Variants in MLKL observed in about 807,000 individuals in gnomAD.
The protein encoded by MLKL is mixed lineage kinase domain like pseudokinase, also known as mixed lineage kinase domain-like protein.
MLKL carries 55 observed loss-of-function variants against 56.5 expected under a neutral mutation model. That is an observed-to-expected ratio of 0.97 (90% CI 0.78 to 1.22). The LOEUF (loss-of-function observed/expected upper bound fraction) is 1.22. MLKL is among the 50% of genes most tolerant of loss of function. The pLI, the probability that MLKL is intolerant of heterozygous loss-of-function variation, is 0.00. For synonymous variants in MLKL, 251 were observed against 208.3 expected (o/e 1.20, Z -1.76); for missense variants, 694 against 573.9 (o/e 1.21, Z -2.14).
At chr16:74,680,742 T>C (rs1287823048) in intron 6 of MLKL, among the ~76,000 whole-genome samples, 1 of 152,164 alleles carries the variant, frequency 6.6e-6, no homozygotes, top group Non-Finnish European at 1.5e-5. Context: ...CTTTACCTTG[T>C]GATCTGTCCG....
chr16:74,675,809 T>G (rs771819692), intron 7 of MLKL, 45 bp from the exon 8 acceptor site: 3 of 1,602,334 alleles, frequency 1.9e-6, no homozygotes, highest in Non-Finnish European at 2.6e-6. Flanking sequence ...AGATCTTGGG[T>G]AGAGGAGTAA....
intron 5 of MLKL, among the ~76,000 whole-genome samples, chr16:74,684,133 A>C (rs1200661785): frequency 6.6e-6 from 1 of 151,762 alleles, no homozygotes; most frequent in African/African-American, 2.4e-5. Context: ...TTTTTAGTAG[A>C]GACAGGGTTT....
intron 1 of MLKL, among the ~76,000 whole-genome samples, chr16:74,700,149 T>C (rs1961300095): frequency 6.6e-6 from 1 of 152,186 alleles, no homozygotes; most frequent in African/African-American, 2.4e-5. Flanking sequence ...ACTCTGTCTC[T>C]CTCTCACGCC....
intron 2 of MLKL, among the ~76,000 whole-genome samples, chr16:74,694,850 TAGG>T (rs1173503837): frequency 6.6e-6 from 1 of 150,496 alleles, no homozygotes. Context: ...CAAAGGATGT[TAGG>T]AGTTTTGTTT....
intron 10 of MLKL, 98 bp from the exon 11 acceptor site, chr16:74,672,636 T>G: frequency 9.0e-7 from 1 of 1,116,486 alleles, no homozygotes; most frequent in South Asian, 1.3e-5. Context: ...ATTTAGAAAC[T>G]GCATTCCCCC....
At chr16:74,679,197 T>C (rs1341783153) in intron 6 of MLKL, among the ~76,000 whole-genome samples, 1 of 152,106 alleles carries the variant, frequency 6.6e-6, no homozygotes, top group African/African-American at 2.4e-5. Flanking sequence ...TGACAGCCCT[T>C]ATGAAGTGCA....
chr16:74,697,953 C>A (rs1361218082), intron 1 of MLKL, among the ~76,000 whole-genome samples: 1 of 152,140 alleles, frequency 6.6e-6, no homozygotes, highest in Non-Finnish European at 1.5e-5. Context: ...AACCTGTAAT[C>A]CCAGCACTTT....
chr16:74,682,761 G>A lies in MLKL; in HGVS notation c.846C>T (p.Val282=), dbSNP rs1960068572. 2 of 1,613,944 alleles carry A rather than the reference G, an allele frequency of 1.2e-6. No homozygotes were observed. Among genetic ancestry groups the A allele is most frequent in the Non-Finnish European group, 8.5e-7 (1 of 1,180,010 alleles). Reference sequence around the variant, plus strand: ...GGGTCCCGAGTTCACAGTACTCCATGACAATGGAGAATTGAGGCGGAGTCA... The same window carrying A: ...GGGTCCCGAGTTCACAGTACTCCATAACAATGGAGAATTGAGGCGGAGTCA... The part of the protein sequence containing the change: ...ETVTPPQFSI[V]MEYCELGTLR... The change falls in exon 6 of 11, where the codon GTC becomes GTT. Residue 282 remains valine (V), a synonymous_variant. Coordinates refer to ENST00000308807, the MANE Select transcript of MLKL (RefSeq NM_152649.4).
intron 6 of MLKL, among the ~76,000 whole-genome samples, chr16:74,681,459 C>T (rs1253064499): frequency 6.6e-6 from 1 of 152,016 alleles, no homozygotes; most frequent in Admixed American, 6.6e-5. Context: ...ACTAAGAATC[C>T]ATAGATTCTG....
rs760844660 is a variant in MLKL, at chr16:74,695,602, G to A, written c.156C>T (p.Ser52=). The A allele has an allele frequency of 1.9e-6, 3 of 1,614,168 alleles. No individual in the cohort carries two copies. The highest frequency in any genetic ancestry group is 1.1e-5 in the South Asian group (1 of 91,086). The change falls in exon 2 of 11, where the codon AGC becomes AGT. Residue 52 remains serine (S), a synonymous_variant. Transcript: ENST00000308807. ...CTGTGGTTAACTTCTCAGAGGGCACGCTCCTCTTTCCTTGGTCCTGGAGCA... is the reference window on the plus strand; with the variant it reads ...CTGTGGTTAACTTCTCAGAGGGCACACTCCTCTTTCCTTGGTCCTGGAGCA... The part of the protein sequence containing the change: ...LEMLQDQGKR[S]VPSEKLTTAM...
rs768838941 is a variant in MLKL, at chr16:74,691,483, G to A, written c.536-20C>T. ...GTAAATCTGACCTCACCCCCGAGAG[G>A]AAAGAAGACAAAAGAGTCAATGAGC... On this transcript the variant is annotated intron_variant, in intron 3 of 10. Transcript: ENST00000308807. 1.9e-6 allele frequency: 3 copies of A among 1,601,462 alleles called. No individual in the cohort carries two copies. Among genetic ancestry groups the A allele is most frequent in the Admixed American group, 1.8e-5 (1 of 55,678 alleles).
At chr16:74,698,390 C>G (rs1249365163) in intron 1 of MLKL, among the ~76,000 whole-genome samples, 2 of 151,958 alleles carry the variant, frequency 1.3e-5, no homozygotes, top group Admixed American at 6.6e-5. Context: ...GAGTAAGGCA[C>G]TGGCAGAAGT....
At chr16:74,676,337 A>C in intron 7 of MLKL, 1 of 985,868 alleles carries the variant, frequency 1.0e-6, no homozygotes, top group Non-Finnish European at 1.2e-6. Flanking sequence ...CAATCATGAC[A>C]GCATATGTTC....
chr16:74,686,767 G>C (rs1054312200), intron 4 of MLKL, among the ~76,000 whole-genome samples: 8 of 152,124 alleles, frequency 5.3e-5, no homozygotes, highest in African/African-American at 1.9e-4. Flanking sequence ...GCTTGTCCAA[G>C]GTCTGTCAGA....
In MLKL at chr16:74,682,740, C is replaced by T. The variant is rs138919339; in HGVS notation, c.867G>A (p.Gly289=). The change falls in exon 6 of 11, where the codon GGG becomes GGA. Residue 289 remains glycine (G), a synonymous_variant. Coordinates refer to ENST00000308807, the MANE Select transcript of MLKL (RefSeq NM_152649.4). ...FSIVMEYCEL[G]TLRELLDREK... Reference sequence around the variant, plus strand: ...CCCTATCCAACAGCTCCCTCAGGGTCCCGAGTTCACAGTACTCCATGACAA... The same window carrying T: ...CCCTATCCAACAGCTCCCTCAGGGTTCCGAGTTCACAGTACTCCATGACAA... The T allele has an allele frequency of 2.7e-5, 43 of 1,613,980 alleles. No homozygotes were observed. Among genetic ancestry groups the T allele is most frequent in the Non-Finnish European group, 3.5e-5 (41 of 1,180,022 alleles).
chr16:74,695,102 G>C (rs371726777), intron 2 of MLKL, among the ~76,000 whole-genome samples, 196 bp downstream of exon 2: 2 of 152,180 alleles, frequency 1.3e-5, no homozygotes, highest in Admixed American at 6.5e-5. Flanking sequence ...TCAGTCTCCT[G>C]ACCTAGTGAT....
chr16:74,677,959 C>G (rs1226430817), intron 7 of MLKL: 8 of 152,310 alleles, frequency 5.3e-5, no homozygotes, highest in Admixed American at 5.2e-4. Flanking sequence ...GGATTACAGG[C>G]GTGAGCCACC....
chr16:74,678,732 G>A (rs745645135), intron 7 of MLKL, among the ~76,000 whole-genome samples, 167 bp downstream of exon 7: 5 of 152,168 alleles, frequency 3.3e-5, no homozygotes, highest in African/African-American at 4.8e-5. Context: ...GCAGCGGGGC[G>A]ATCTCGCTCA....
chr16:74,690,315 G>C (rs1271531246), intron 4 of MLKL, among the ~76,000 whole-genome samples: 2 of 152,172 alleles, frequency 1.3e-5, no homozygotes, highest in Non-Finnish European at 2.9e-5. Flanking sequence ...CATAGACACT[G>C]TTCTGAAGAG....
Sources: allele counts gnomAD v4.1 joint callset (sites outside exome capture counted in the v4.1 genomes callset), GRCh38; gene constraint gnomAD v4.1.1; transcripts MANE v1.5; gene names NCBI Gene and HGNC (gene_info 2026-07-23, HGNC 2026-07-21).